PCDH15: variants seen among roughly 807,000 people sequenced by gnomAD.
PCDH15 encodes the protein protocadherin related 15.
PCDH15 carries 129 observed loss-of-function variants against 178.5 expected under a neutral mutation model. That is an observed-to-expected ratio of 0.72 (90% confidence interval 0.63 to 0.84). PCDH15 has a LOEUF of 0.84. Among genes scored for constraint, PCDH15 ranks in the 40% least tolerant of loss-of-function variants. The pLI, the probability that PCDH15 is intolerant of heterozygous loss-of-function variation, is 0.00. For missense variants in PCDH15, 2,230 were observed against 2,099.9 expected (o/e 1.06, Z -1.21); for synonymous variants, 800 against 732.0 (o/e 1.09, Z -1.50).
intron 25 of PCDH15, among the ~76,000 whole-genome samples, chr10:53,925,312 C>T (rs1258687348): frequency 2.0e-5 from 3 of 151,914 alleles, no homozygotes; most frequent in Admixed American, 6.6e-5. Context: ...TAACCCCAGA[C>T]ATGCCACCTT....
At chr10:54,973,722 T>C (rs535608965) in intron 2 of PCDH15, among the ~76,000 whole-genome samples, 58 of 152,114 alleles carry the variant, frequency 3.8e-4, no homozygotes, top group Non-Finnish European at 8.8e-5. Flanking sequence ...ACTGACATCA[T>C]GACAGTTAAA....
intron 20 of PCDH15, among the ~76,000 whole-genome samples, chr10:54,002,953 A>G (rs1183841003): frequency 6.6e-6 from 1 of 152,142 alleles, no homozygotes; most frequent in African/African-American, 2.4e-5. Context: ...TTTGTTCAAT[A>G]AACTGTGCTG....
intron 25 of PCDH15, 49 bp from the exon 26 acceptor site, chr10:53,903,419 G>C: frequency 6.2e-7 from 1 of 1,600,996 alleles, no homozygotes; most frequent in Non-Finnish European, 8.5e-7. Flanking sequence ...ATTCATGGGG[G>C]AAAAAATGCA....
chr10:55,440,586 T>C (rs1333045777), intron 2 of PCDH15, among the ~76,000 whole-genome samples: 1 of 152,116 alleles, frequency 6.6e-6, no homozygotes, highest in Non-Finnish European at 1.5e-5. Flanking sequence ...GTCAGAAATG[T>C]ACACACACAC....
At chr10:54,342,148 C>T (rs940726670) in intron 6 of PCDH15, among the ~76,000 whole-genome samples, 1 of 152,172 alleles carries the variant, frequency 6.6e-6, no homozygotes, top group African/African-American at 2.4e-5. Context: ...GAGGAACCAA[C>T]TATTAATAGC....
intron 15 of PCDH15, among the ~76,000 whole-genome samples, chr10:54,126,216 A>G (rs1402652631): frequency 6.6e-6 from 1 of 152,002 alleles, no homozygotes; most frequent in African/African-American, 2.4e-5. Flanking sequence ...GATTACAAGC[A>G]TGCACCAACA....
At chr10:54,554,223 C>T (rs2086920298) in intron 2 of PCDH15, among the ~76,000 whole-genome samples, 1 of 152,104 alleles carries the variant, frequency 6.6e-6, no homozygotes, top group African/African-American at 2.4e-5. Context: ...TCCTGGATTA[C>T]ACAACCTGAG....
At chr10:54,728,175 A>T (rs11004509) in intron 1 of PCDH15, among the ~76,000 whole-genome samples, 18,434 of 151,468 alleles carry the variant, frequency 0.12, 1,255 homozygotes, top group African/African-American at 0.17. Flanking sequence ...AGATGCAAAA[A>T]TCCTCAACAA....
chr10:55,233,715 T>C (rs1488666290), intron 1 of PCDH15, among the ~76,000 whole-genome samples: 1 of 152,126 alleles, frequency 6.6e-6, no homozygotes, highest in African/African-American at 2.4e-5. Flanking sequence ...CACCTTACTA[T>C]GTTGGTTTCA....
chr10:53,918,030 T>C (rs2083673596), intron 25 of PCDH15, among the ~76,000 whole-genome samples: 1 of 152,166 alleles, frequency 6.6e-6, no homozygotes, highest in Non-Finnish European at 1.5e-5. Flanking sequence ...ACACTTCCTG[T>C]ACAGCCTGTA....
chr10:53,845,531 A>C (rs984569232), intron 28 of PCDH15, among the ~76,000 whole-genome samples: 5 of 151,904 alleles, frequency 3.3e-5, no homozygotes, highest in African/African-American at 9.7e-5. Context: ...TATACAATCA[A>C]ATATTATTTA....
At chr10:55,228,734 A>T (rs1841127510) in intron 1 of PCDH15, among the ~76,000 whole-genome samples, 1 of 151,972 alleles carries the variant, frequency 6.6e-6, no homozygotes, top group Non-Finnish European at 1.5e-5. Flanking sequence ...TATATCTGTT[A>T]TTTTTTAAAT....
At chr10:55,342,367 C>A (rs2049979448) in intron 2 of PCDH15, among the ~76,000 whole-genome samples, 2 of 151,892 alleles carry the variant, frequency 1.3e-5, no homozygotes, top group South Asian at 2.1e-4. Context: ...TTTTATCTGT[C>A]TTTTCTAATA....
chr10:55,494,734 T>C (rs1308428322), intron 2 of PCDH15, among the ~76,000 whole-genome samples: 1 of 151,792 alleles, frequency 6.6e-6, no homozygotes, highest in Non-Finnish European at 1.5e-5. Flanking sequence ...TTCCTCTCTC[T>C]TTTGATGCTA....
chr10:54,257,086 T>C (rs188337365), intron 8 of PCDH15, among the ~76,000 whole-genome samples: 96 of 150,448 alleles, frequency 6.4e-4, no homozygotes, highest in African/African-American at 2.2e-3. Flanking sequence ...GATAGATAGA[T>C]AGATACTGAG....
At chr10:54,844,171 G>A (rs1311048706) in intron 3 of PCDH15, among the ~76,000 whole-genome samples, 1 of 151,948 alleles carries the variant, frequency 6.6e-6, no homozygotes, top group Non-Finnish European at 1.5e-5. Context: ...ATAGATAAGA[G>A]GTGCTAGTGA....
intron 8 of PCDH15, among the ~76,000 whole-genome samples, chr10:54,292,963 T>G (rs867665171): frequency 6.6e-6 from 1 of 152,110 alleles, no homozygotes; most frequent in Non-Finnish European, 1.5e-5. Context: ...GGAAAAAAAC[T>G]ACTTTAAAGT....
chr10:54,619,540 A>C (rs1489908987), intron 2 of PCDH15, among the ~76,000 whole-genome samples: 1 of 151,930 alleles, frequency 6.6e-6, no homozygotes, highest in African/African-American at 2.4e-5. Flanking sequence ...CAGATTGTTC[A>C]TGTTTTCAGT....
At chr10:54,711,615 A>T (rs17500978) in intron 1 of PCDH15, among the ~76,000 whole-genome samples, 1 of 151,852 alleles carries the variant, frequency 6.6e-6, no homozygotes, top group African/African-American at 2.4e-5. Context: ...ATTAAAAATA[A>T]TCACCTTTAT....
Sources: gnomAD v4.1 joint callset for allele counts (sites outside exome capture counted in the v4.1 genomes callset) on GRCh38, gnomAD v4.1.1 for gene constraint, MANE v1.5 for transcripts, NCBI Gene and HGNC (gene_info 2026-07-23, HGNC 2026-07-21) for gene names.